Variants in ZNF469 observed in about 807,000 individuals in gnomAD.
ZNF469 encodes the protein zinc finger protein 469.
In ZNF469, 1 loss-of-function variant was observed where a neutral mutation model predicts 1.0. That is an observed-to-expected ratio of 1.00 (90% CI 0.35 to 4.73). The LOEUF (loss-of-function observed/expected upper bound fraction) is 4.73, where lower values mean the gene tolerates loss of function less well. ZNF469 is among the 30% of genes most tolerant of loss of function. ZNF469 has a pLI of 0.16. For synonymous variants in ZNF469, 2,703 were observed against 2,363.4 expected (o/e 1.14, Z -4.17); for missense variants, 6,100 against 5,356.3 (o/e 1.14, Z -4.33).
chr16:88,392,977 G>A (rs1007405342), intron 1 of ZNF469, among the ~76,000 whole-genome samples: 1 of 152,334 alleles, frequency 6.6e-6, no homozygotes, highest in East Asian at 1.9e-4. Context: ...TTTGAGTCCC[G>A]GAGTCCGCCA....
At chr16:88,310,305 G>T in the ZNF469 span, among the ~76,000 whole-genome samples, 1 of 152,162 alleles carries the variant, frequency 6.6e-6, no homozygotes, top group Non-Finnish European at 1.5e-5. Flanking sequence ...GAGCTGGGGG[G>T]TGGGAGCTGT....
the ZNF469 span, among the ~76,000 whole-genome samples, chr16:88,137,571 C>T: frequency 6.6e-6 from 1 of 152,190 alleles, no homozygotes; most frequent in Non-Finnish European, 1.5e-5. Context: ...TGCATGTATA[C>T]AGCTATACAT....
At chr16:88,202,902 G>C in the ZNF469 span, among the ~76,000 whole-genome samples, 1 of 152,160 alleles carries the variant, frequency 6.6e-6, no homozygotes, top group Admixed American at 6.5e-5. Context: ...TTGAGGGCTG[G>C]AGGTGAGGGA....
chr16:88,142,742 A>C, the ZNF469 span, among the ~76,000 whole-genome samples: 7 of 152,182 alleles, frequency 4.6e-5, no homozygotes. Flanking sequence ...CCCTGCGGGG[A>C]GTCGGCCGGC....
At chr16:88,415,656 A>G (rs570395537) in intron 1 of ZNF469, among the ~76,000 whole-genome samples, 1 of 152,328 alleles carries the variant, frequency 6.6e-6, no homozygotes, top group Non-Finnish European at 1.5e-5. Context: ...CAGCCTGCTC[A>G]GGAGCAGGGA....
the ZNF469 span, among the ~76,000 whole-genome samples, chr16:88,121,650 A>C: frequency 1.3e-5 from 2 of 152,110 alleles, no homozygotes; most frequent in South Asian, 4.1e-4. Flanking sequence ...AATTTATTCC[A>C]ATGACCTAAG....
the ZNF469 span, among the ~76,000 whole-genome samples, chr16:88,203,447 G>A: frequency 3.3e-3 from 498 of 152,230 alleles, no homozygotes; most frequent in Middle Eastern, 6.8e-3. Context: ...GCAGGGCCCC[G>A]TGTGAGCTCC....
chr16:88,186,515 C>A, the ZNF469 span, among the ~76,000 whole-genome samples: 4 of 152,178 alleles, frequency 2.6e-5, no homozygotes, highest in Non-Finnish European at 5.9e-5. Flanking sequence ...CCTCCCGAAG[C>A]CTGCACTTCA....
At chr16:88,410,161 G>A (rs1905111623) in intron 1 of ZNF469, among the ~76,000 whole-genome samples, 1 of 150,266 alleles carries the variant, frequency 6.7e-6, no homozygotes, top group Non-Finnish European at 1.5e-5. Flanking sequence ...GAAGTTCACG[G>A]TGCAGGTCAC....
intron 1 of ZNF469, among the ~76,000 whole-genome samples, chr16:88,418,314 C>G (rs1040252703): frequency 2.5e-4 from 38 of 152,296 alleles, no homozygotes; most frequent in African/African-American, 8.2e-4. Context: ...GAAGGCCCAT[C>G]TCGGTGAGGC....
intron 2 of ZNF469, among the ~76,000 whole-genome samples, chr16:88,425,389 A>C (rs74032863): frequency 0.076 from 11,495 of 151,830 alleles, 871 homozygotes; most frequent in African/African-American, 0.2. Context: ...CCTACCCCCA[A>C]CCCTGCAGCC....
intron 1 of ZNF469, among the ~76,000 whole-genome samples, chr16:88,402,145 GGGTA>G (rs1599351164): frequency 1.3e-5 from 2 of 149,802 alleles, no homozygotes; most frequent in African/African-American, 2.5e-5. Context: ...GTGAATGCAT[GGGTA>G]GATGGATGGA....
At chr16:88,394,215 A>G (rs1203033547) in intron 1 of ZNF469, among the ~76,000 whole-genome samples, 17,836 of 98,268 alleles carry the variant, frequency 0.18, 4,851 homozygotes, top group Non-Finnish European at 0.22. Flanking sequence ...AGTTTGACAC[A>G]TGTACACCTG....
chr16:88,177,262 C>G, the ZNF469 span: 1 of 152,194 alleles, frequency 6.6e-6, no homozygotes, highest in Non-Finnish European at 1.5e-5. This position sits in a 1 kb window ranked among gnomAD's most constrained non-coding sequence, Gnocchi z 4.8. Flanking sequence ...GCGGGCCTGA[C>G]TTTCACTACG....
At chr16:88,355,193 G>T in the ZNF469 span, among the ~76,000 whole-genome samples, 31 of 152,254 alleles carry the variant, frequency 2.0e-4, no homozygotes, top group South Asian at 2.1e-4. Context: ...AGACTATCAC[G>T]CCCCCTCCCA....
chr16:88,148,552 A>C, the ZNF469 span, among the ~76,000 whole-genome samples: 1 of 152,154 alleles, frequency 6.6e-6, no homozygotes, highest in Non-Finnish European at 1.5e-5. Flanking sequence ...GTCTCTGTGA[A>C]TTGCAGCTCC....
the ZNF469 span, among the ~76,000 whole-genome samples, chr16:88,243,107 T>C: frequency 6.6e-6 from 1 of 152,168 alleles, no homozygotes; most frequent in Admixed American, 6.5e-5. Flanking sequence ...TCACTGCTCA[T>C]GACAGGGCTC....
At chr16:88,247,528 G>GTGAGTGAGTGAA in the ZNF469 span, among the ~76,000 whole-genome samples, 5 of 151,346 alleles carry the variant, frequency 3.3e-5, no homozygotes, top group Admixed American at 6.6e-5. Flanking sequence ...GAGTGAATGA[G>GTGAGTGAGTGAA]TGAGTGAGTG....
the ZNF469 span, among the ~76,000 whole-genome samples, chr16:88,300,250 G>C: frequency 6.6e-6 from 1 of 152,154 alleles, no homozygotes; most frequent in Non-Finnish European, 1.5e-5. Context: ...ACTGCAGTTC[G>C]CAACAGTCCT....
Sources: gnomAD v4.1 joint callset for allele counts (sites outside exome capture counted in the v4.1 genomes callset) on GRCh38, gnomAD v4.1.1 for gene constraint, Gnocchi (gnomAD v3.1) non-coding constraint, MANE v1.5 for transcripts, NCBI Gene and HGNC (gene_info 2026-07-23, HGNC 2026-07-21) for gene names.